Variants in LRIF1 observed in about 807,000 individuals in gnomAD.
LRIF1 encodes the protein ligand-dependent nuclear receptor-interacting factor 1.
Under a neutral mutation model 52.7 loss-of-function variants are expected in LRIF1, and 32 were observed. The ratio of observed to expected loss-of-function variants is 0.61; its 90% CI spans 0.46 to 0.82. The LOEUF (loss-of-function observed/expected upper bound fraction) is 0.82, where lower values mean the gene tolerates loss of function less well. Among genes scored for constraint, LRIF1 ranks in the 40% least tolerant of loss-of-function variants. The pLI, the probability that LRIF1 is intolerant of heterozygous loss-of-function variation, is 0.00. For synonymous variants in LRIF1, 323 were observed against 317.4 expected (o/e 1.02, Z -0.19); for missense variants, 887 against 892.0 (o/e 0.99, Z 0.07).
chr1:110,960,324 TCTCC>T (rs1338072395), intron 1 of LRIF1, among the ~76,000 whole-genome samples: 1 of 152,030 alleles, frequency 6.6e-6, no homozygotes, highest in African/African-American at 2.4e-5. Flanking sequence ...TGTGTCTGTC[TCTCC>T]CTCACACACA....
the LRIF1 span, among the ~76,000 whole-genome samples, chr1:110,880,655 C>T: frequency 6.6e-6 from 1 of 152,094 alleles, no homozygotes; most frequent in Middle Eastern, 3.2e-3. Flanking sequence ...AATTCAAGCC[C>T]AAGGCTCCTG....
chr1:110,911,695 T>C, the LRIF1 span, among the ~76,000 whole-genome samples: 18 of 152,140 alleles, frequency 1.2e-4, no homozygotes, highest in African/African-American at 9.7e-5. Flanking sequence ...AAAGGTTTGC[T>C]TCAACATATA....
the LRIF1 span, among the ~76,000 whole-genome samples, chr1:110,884,957 T>C: frequency 6.6e-6 from 1 of 152,218 alleles, no homozygotes; most frequent in African/African-American, 2.4e-5. Flanking sequence ...GATATTGGTA[T>C]GGTTGGGATT....
At chr1:110,878,396 G>A in the LRIF1 span, among the ~76,000 whole-genome samples, 19 of 152,200 alleles carry the variant, frequency 1.2e-4, no homozygotes, top group Admixed American at 9.8e-4. Context: ...ATTACCTTGC[G>A]AATGCTCTTG....
At chr1:110,939,627 G>A in the LRIF1 span, 1 of 152,094 alleles carries the variant, frequency 6.6e-6, no homozygotes, top group Non-Finnish European at 1.5e-5. Flanking sequence ...CATGGCATTG[G>A]CATAAAACCA....
At chr1:110,934,850 A>G in the LRIF1 span, among the ~76,000 whole-genome samples, 1 of 152,184 alleles carries the variant, frequency 6.6e-6, no homozygotes, top group Non-Finnish European at 1.5e-5. Flanking sequence ...AAGTGAACAT[A>G]GACAATAGCC....
chr1:110,916,489 T>C, the LRIF1 span, among the ~76,000 whole-genome samples: 1 of 151,700 alleles, frequency 6.6e-6, no homozygotes, highest in Non-Finnish European at 1.5e-5. Flanking sequence ...CCTAATTCGG[T>C]CAAAGTAATA....
chr1:110,900,798 A>G, the LRIF1 span, among the ~76,000 whole-genome samples: 6 of 152,068 alleles, frequency 3.9e-5, no homozygotes, highest in East Asian at 1.2e-3. Context: ...ACAAGGGTAT[A>G]AATCTGTAGC....
the LRIF1 span, chr1:110,897,691 T>C: frequency 5.3e-6 from 3 of 562,576 alleles, no homozygotes; most frequent in Admixed American, 2.9e-5. Context: ...AAAAATATAA[T>C]ACCTAAGCCT....
chr1:110,880,108 T>A, the LRIF1 span: 1 of 152,248 alleles, frequency 6.6e-6, no homozygotes, highest in Non-Finnish European at 1.5e-5. Flanking sequence ...CACGCAGGTT[T>A]CCTGGAAACT....
At chr1:110,879,999 C>T in the LRIF1 span, among the ~76,000 whole-genome samples, 1 of 152,208 alleles carries the variant, frequency 6.6e-6, no homozygotes, top group Non-Finnish European at 1.5e-5. Context: ...TCCGCAGGTT[C>T]TACCAGCTCA....
At chr1:110,938,911 G>C in the LRIF1 span, 1 of 152,010 alleles carries the variant, frequency 6.6e-6, no homozygotes, top group Non-Finnish European at 1.5e-5. Context: ...CATTTCTATA[G>C]GCAAACAGTG....
Position 110,948,374 on chromosome 1 carries a change from GCTTTT to G in LRIF1, c.1890_1894del (p.Arg630SerfsTer4), listed in dbSNP as rs757482653. 37 of 1,611,082 alleles carry G rather than the reference GCTTTT, an allele frequency of 2.3e-5. No individual in the cohort carries two copies. The highest frequency in any genetic ancestry group is 3.3e-5 in the South Asian group (3 of 90,660). ...GTGATCCATCTTCTTATTAGTTTTTGCTTTTCTTTTCTTATCAAAATTCTGCTGCA... is the reference window on the plus strand; with the variant it reads ...GTGATCCATCTTCTTATTAGTTTTTGCTTTTCTTATCAAAATTCTGCTGCA... On this transcript the variant is annotated frameshift_variant, in exon 4 of 4. Transcript: ENST00000369763. LOFTEE classifies it high-confidence loss of function.
the LRIF1 span, among the ~76,000 whole-genome samples, chr1:110,923,109 A>G: frequency 3.3e-5 from 5 of 152,112 alleles, no homozygotes; most frequent in African/African-American, 1.2e-4. Context: ...ATTCCAGACC[A>G]GCTAACATGG....
the LRIF1 span, chr1:110,941,159 T>C: frequency 6.6e-6 from 1 of 151,904 alleles, no homozygotes; most frequent in African/African-American, 2.4e-5. Flanking sequence ...AAAAAGAAGA[T>C]AAAAAACAAG....
chr1:110,899,463 C>A, the LRIF1 span: 1 of 334,032 alleles, frequency 3.0e-6, no homozygotes, highest in Non-Finnish European at 5.6e-6. Flanking sequence ...ACAAGAGAGG[C>A]AAAGACAAAC....
intron 1 of LRIF1, among the ~76,000 whole-genome samples, chr1:110,956,393 T>A (rs1658702373): frequency 2.6e-5 from 4 of 152,088 alleles, no homozygotes; most frequent in African/African-American, 9.7e-5. Context: ...GAATTTAAGG[T>A]ATTGATAAGA....
At chr1:110,912,043 G>A in the LRIF1 span, among the ~76,000 whole-genome samples, 2 of 151,820 alleles carry the variant, frequency 1.3e-5, no homozygotes, top group African/African-American at 4.8e-5. Context: ...ACACCCAACT[G>A]GAAAAGAACA....
chr1:110,897,463 T>C, the LRIF1 span, among the ~76,000 whole-genome samples: 1 of 152,216 alleles, frequency 6.6e-6, no homozygotes, highest in Non-Finnish European at 1.5e-5. Context: ...AAACCAATTT[T>C]AGTATTGCAT....
Sources: allele counts gnomAD v4.1 joint callset (sites outside exome capture counted in the v4.1 genomes callset), GRCh38; gene constraint gnomAD v4.1.1; transcripts MANE v1.5; gene names NCBI Gene and HGNC (gene_info 2026-07-23, HGNC 2026-07-21).